The following DLG2 variants were observed in gnomAD, a reference collection of about 807,000 sequenced individuals.
The protein encoded by DLG2 is discs large MAGUK scaffold protein 2.
Under a neutral mutation model 132.5 loss-of-function variants are expected in DLG2, and 45 were observed. The ratio of observed to expected loss-of-function variants is 0.34; its 90% CI spans 0.27 to 0.44. The LOEUF (loss-of-function observed/expected upper bound fraction) is 0.44, where lower values mean the gene tolerates loss of function less well. DLG2 is among the 20% of genes least tolerant of loss of function. The pLI, the probability that DLG2 is intolerant of heterozygous loss-of-function variation, is 1.00. For synonymous variants in DLG2, 424 were observed against 419.6 expected, an observed-to-expected ratio of 1.01 and a Z score of -0.13; for missense variants, 1,045 against 1,196.9, an observed-to-expected ratio of 0.87 and a Z score of 1.87.
intron 3 of DLG2, among the ~76,000 whole-genome samples, chr11:85,377,813 G>GTGTT (rs1425475072): frequency 7.8e-5 from 11 of 141,296 alleles, no homozygotes; most frequent in African/African-American, 2.6e-4. Flanking sequence ...ATGTGTGTGT[G>GTGTT]TGTGTGTGTG....
chr11:83,935,850 C>T (rs2081318130), intron 14 of DLG2, among the ~76,000 whole-genome samples: 1 of 152,314 alleles, frequency 6.6e-6, no homozygotes, highest in Admixed American at 6.5e-5. Flanking sequence ...AGATCTGGCT[C>T]TTTCAAATTC....
At chr11:84,091,401 C>T (rs978117403) in intron 10 of DLG2, among the ~76,000 whole-genome samples, 5 of 152,176 alleles carry the variant, frequency 3.3e-5, no homozygotes, top group Non-Finnish European at 2.9e-5. Flanking sequence ...TCCCTCCACC[C>T]GAGGGACTAG....
intron 19 of DLG2, among the ~76,000 whole-genome samples, chr11:83,602,564 A>C (rs771484648): frequency 6.6e-6 from 1 of 152,254 alleles, no homozygotes; most frequent in Non-Finnish European, 1.5e-5. Context: ...AGATTGGGGC[A>C]GAATGGAGAG....
intron 8 of DLG2, among the ~76,000 whole-genome samples, chr11:84,238,042 TAAA>T (rs71036414): frequency 2.7e-5 from 2 of 73,122 alleles, no homozygotes; most frequent in Admixed American, 1.7e-4. Context: ...AGACTCTGCC[TAAA>T]AAAAAAAAAA....
intron 6 of DLG2, among the ~76,000 whole-genome samples, chr11:85,064,370 A>G (rs2064565219): frequency 6.6e-6 from 1 of 151,822 alleles, no homozygotes; most frequent in East Asian, 1.9e-4. Context: ...TAAAATCATC[A>G]TATTGCACAT....
intron 11 of DLG2, among the ~76,000 whole-genome samples, chr11:84,002,388 C>A (rs1042458345): frequency 6.6e-6 from 1 of 152,190 alleles, no homozygotes; most frequent in Admixed American, 6.5e-5. Context: ...CCCGACATTT[C>A]CCTTCCCTAT....
chr11:84,028,161 CTCT>C (rs969398040), intron 11 of DLG2, among the ~76,000 whole-genome samples: 2 of 151,956 alleles, frequency 1.3e-5, no homozygotes, highest in Non-Finnish European at 2.9e-5. Context: ...CAAAAAATCT[CTCT>C]TCATTTCAAA....
At chr11:84,293,976 C>T (rs149913021) in intron 7 of DLG2, among the ~76,000 whole-genome samples, 76 of 152,302 alleles carry the variant, frequency 5.0e-4, no homozygotes, top group African/African-American at 1.4e-3. Context: ...CCCTGGACCA[C>T]GCATTGCCAC....
intron 7 of DLG2, among the ~76,000 whole-genome samples, chr11:84,315,327 A>G (rs959425359): frequency 6.6e-6 from 1 of 152,144 alleles, no homozygotes; most frequent in African/African-American, 2.4e-5. Context: ...GGAAATTACC[A>G]TTTACGAAAT....
At chr11:85,174,815 C>A (rs2079107126) in intron 4 of DLG2, among the ~76,000 whole-genome samples, 1 of 151,970 alleles carries the variant, frequency 6.6e-6, no homozygotes, top group Non-Finnish European at 1.5e-5. Flanking sequence ...TACAAACAAC[C>A]AAGAGAAAAC....
intron 17 of DLG2, among the ~76,000 whole-genome samples, chr11:83,812,070 A>G (rs1300332367): frequency 1.3e-5 from 2 of 152,148 alleles, no homozygotes; most frequent in Non-Finnish European, 2.9e-5. Context: ...AACACCCTTT[A>G]CTAGTAGCTT....
At chr11:84,782,138 T>A (rs1188160528) in intron 6 of DLG2, among the ~76,000 whole-genome samples, 1 of 151,978 alleles carries the variant, frequency 6.6e-6, no homozygotes, top group Non-Finnish European at 1.5e-5. Flanking sequence ...GACACACACA[T>A]GTAGCCCAGG....
chr11:84,210,398 A>C (rs1220546953), intron 8 of DLG2, among the ~76,000 whole-genome samples: 1 of 96,466 alleles, frequency 1.0e-5, no homozygotes, highest in African/African-American at 3.6e-5. Flanking sequence ...GGGTGGGGGG[A>C]GCGGGGAGGG....
chr11:84,866,556 G>C (rs537912381), intron 6 of DLG2, among the ~76,000 whole-genome samples: 1 of 151,278 alleles, frequency 6.6e-6, no homozygotes, highest in African/African-American at 2.4e-5. Flanking sequence ...CTACTTACTG[G>C]CTATTTGAGC....
Position 84,198,592 on chromosome 11 carries a change from T to A in DLG2, c.574-35081A>T, listed in dbSNP as rs750122673. Among the ~76,000 whole-genome samples the A allele has an allele frequency of 2.6e-5, 4 of 152,258 alleles. No individual in the cohort carries two copies. The South Asian group carries it at 8.3e-4, about 32-fold the overall frequency. On this transcript the variant is annotated intron_variant, in intron 8 of 27. Transcript: ENST00000376104. ...TAAAATTTATACTTTGTAAGTAAAT[T>A]GCATGTATTCTTAAGAAAAAATATA...
At position 85,346,115 on chromosome 11, in the gene DLG2, C is replaced by T. The variant is rs529490959; in HGVS notation, c.41-60750G>A. Reference sequence around the variant, plus strand: ...GAAAGTCAGAGGAGGAACGCGTCCACCTTAGGTACGATGCTTGTATATATG... The same window carrying T: ...GAAAGTCAGAGGAGGAACGCGTCCATCTTAGGTACGATGCTTGTATATATG... On this transcript the variant is annotated intron_variant, in intron 3 of 27. Coordinates refer to ENST00000376104, the MANE Select transcript of DLG2 (RefSeq NM_001142699.3). Among the ~76,000 whole-genome samples the T allele has an allele frequency of 5.9e-5, 9 of 152,000 alleles. No individual in the cohort carries two copies. The East Asian group carries it at 1.5e-3, about 26-fold the overall frequency.
intron 3 of DLG2, among the ~76,000 whole-genome samples, chr11:85,568,729 C>A (rs2077675596): frequency 6.6e-6 from 1 of 152,122 alleles, no homozygotes; most frequent in Admixed American, 6.5e-5. Context: ...TTCTTATAAT[C>A]CTTATTTCTG....
intron 7 of DLG2, among the ~76,000 whole-genome samples, chr11:84,435,601 T>C (rs757328467): frequency 5.3e-5 from 8 of 152,222 alleles, no homozygotes; most frequent in Non-Finnish European, 1.2e-4. Flanking sequence ...GATGTAAATG[T>C]ATCTTACTCT....
chr11:85,609,540 T>TA (rs1345628920), intron 2 of DLG2, among the ~76,000 whole-genome samples: 1 of 152,142 alleles, frequency 6.6e-6, no homozygotes, highest in African/African-American at 2.4e-5. Context: ...AAGGACACTT[T>TA]AAAAAAGATT....
Sources: gnomAD v4.1 joint callset for allele counts (sites outside exome capture counted in the v4.1 genomes callset) on GRCh38, gnomAD v4.1.1 for gene constraint, MANE v1.5 for transcripts, NCBI Gene and HGNC (gene_info 2026-07-23, HGNC 2026-07-21) for gene names.